Variants in ABCA3 observed in about 807,000 individuals in gnomAD.
ABCA3 encodes the protein phospholipid-transporting ATPase ABCA3.
Under a neutral mutation model 172.8 loss-of-function variants are expected in ABCA3, and 88 were observed. The observed-to-expected ratio is 0.51, with a 90% CI of 0.43 to 0.61. ABCA3 has a LOEUF of 0.61. Ranked by LOEUF, ABCA3 falls within the 20% of genes least tolerant of loss-of-function variation. ABCA3 has a pLI of 0.00. For synonymous variants in ABCA3, 1,066 were observed against 983.8 expected, an observed-to-expected ratio of 1.08 and a Z score of -1.56; for missense variants, 2,164 against 2,301.0, an observed-to-expected ratio of 0.94 and a Z score of 1.22.
intron 14 of ABCA3, 25 bp downstream of exon 14, chr16:2,299,377 AG>A (rs2093685278): frequency 9.9e-6 from 16 of 1,612,494 alleles, no homozygotes; most frequent in Admixed American, 1.7e-5. Context: ...TGCTGGTGGC[AG>A]GGGCGTGAGG....
In ABCA3 at chr16:2,284,000, A is replaced by G. The variant is rs2093658942; in HGVS notation, c.3862+279T>C. ...AGCAGGAAGGGTCCTCCCCTGAGCC[A>G]TGGGGGATTCACTCCTCGTGCTAAG... On this transcript the variant is annotated intron_variant, in intron 25 of 32. Transcript: ENST00000301732. The surrounding 1 kb of genome is among the most constrained non-coding windows in gnomAD (Gnocchi z 5.4). The G allele has an allele frequency of 5.0e-6, 2 of 402,058 alleles. No homozygotes were observed. Among genetic ancestry groups the G allele is most frequent in the Non-Finnish European group, 9.3e-6 (2 of 215,988 alleles). 24.9% of individuals were successfully genotyped at this position (402,058 alleles called of 1,614,324 possible).
chr16:2,319,551 G>C (rs993721058), intron 8 of ABCA3, 30 bp downstream of exon 8: 3 of 1,605,952 alleles, frequency 1.9e-6, no homozygotes, highest in Non-Finnish European at 2.5e-6. Flanking sequence ...GCGGTTTCTA[G>C]AGTGTTGGGG....
chr16:2,288,431 G>A lies in ABCA3; in HGVS notation c.2701-102C>T, dbSNP rs923661325. 5.9e-6 allele frequency: 8 copies of A among 1,365,074 alleles called. No homozygotes were observed. In the South Asian group the frequency reaches 8.3e-5, roughly 14 times the overall value. The allele number at this position is 1,365,074 out of a possible 1,614,324, so 84.6% of individuals were successfully genotyped here. On this transcript the variant is annotated intron_variant, in intron 20 of 32. Transcript: ENST00000301732. ...GCTGTTCTGTGTGACGCCAGCCTGG[G>A]GGCCTGCAGCTGAGGTTGCACCGGA...
chr16:2,304,917 C>T (rs1162476713), intron 11 of ABCA3, among the ~76,000 whole-genome samples: 3 of 152,018 alleles, frequency 2.0e-5, no homozygotes, highest in East Asian at 1.9e-4. Flanking sequence ...CCTTGTGATT[C>T]GCCTGCCTCG....
chr16:2,337,841 C>T (rs2093754317), intron 1 of ABCA3, among the ~76,000 whole-genome samples: 1 of 152,238 alleles, frequency 6.6e-6, no homozygotes, highest in South Asian at 2.1e-4. Context: ...CGCTCATACT[C>T]AGCACCACAG....
chr16:2,313,782 C>G (rs2093710426), intron 10 of ABCA3, among the ~76,000 whole-genome samples: 1 of 150,420 alleles, frequency 6.6e-6, no homozygotes, highest in Non-Finnish European at 1.5e-5. Context: ...GTAATCCCAG[C>G]TACTTGGGAG....
intron 1 of ABCA3, among the ~76,000 whole-genome samples, chr16:2,340,210 A>G (rs2093758456): frequency 6.6e-6 from 1 of 152,088 alleles, no homozygotes. Context: ...GTCGCTACAT[A>G]TCCACCTTCT....
chr16:2,313,770 C>T (rs1050649408), intron 10 of ABCA3, among the ~76,000 whole-genome samples: 1 of 151,440 alleles, frequency 6.6e-6, no homozygotes, highest in African/African-American at 2.4e-5. Flanking sequence ...TGGCGGGCGC[C>T]TGTAATCCCA....
intron 11 of ABCA3, among the ~76,000 whole-genome samples, chr16:2,307,620 TA>T (rs1353332058): frequency 2.0e-5 from 3 of 152,164 alleles, no homozygotes; most frequent in African/African-American, 7.2e-5. Context: ...AATTTTATTT[TA>T]TTTTTTTGAG....
chr16:2,298,819 G>T (rs11647731), intron 14 of ABCA3, among the ~76,000 whole-genome samples: 4 of 152,154 alleles, frequency 2.6e-5, no homozygotes, highest in Admixed American at 1.3e-4. Flanking sequence ...CCCCCGCCCC[G>T]GGTCCCAGCC....
intron 9 of ABCA3, 57 bp from the exon 10 acceptor site, chr16:2,317,460 ACTCCTGACCATCCCTGGT>A: frequency 6.2e-7 from 1 of 1,608,590 alleles, no homozygotes; most frequent in Non-Finnish European, 8.5e-7. Context: ...GACCAGGAGG[ACTCCTGACCATCCCTGGT>A]CACAGGGACG....
chr16:2,330,952 G>A lies in ABCA3; in HGVS notation c.-538-1098C>T, dbSNP rs899902554. Reference sequence around the variant, plus strand: ...TCCTGACCTGGAACATCACCCTTTTGCAGACGAAGAAACAAGGAGGAAATG... The same window carrying A: ...TCCTGACCTGGAACATCACCCTTTTACAGACGAAGAAACAAGGAGGAAATG... On this transcript the variant is annotated intron_variant, in intron 1 of 32. Transcript: ENST00000301732. Among the ~76,000 whole-genome samples, 12 of 152,032 alleles carry A rather than the reference G, an allele frequency of 7.9e-5. No individual in the cohort carries two copies. In the South Asian group the frequency reaches 2.5e-3, roughly 32 times the overall value.
At chr16:2,330,341 C>T (rs1382200564) in intron 1 of ABCA3, among the ~76,000 whole-genome samples, 1 of 120,020 alleles carries the variant, frequency 8.3e-6, no homozygotes, top group African/African-American at 3.2e-5. Flanking sequence ...TTTTTTGAGA[C>T]AGAGTTTCAC....
Position 2,281,279 on chromosome 16 carries a change from T to A in ABCA3, c.4165-58A>T. 1 of 1,613,074 alleles carries A rather than the reference T, an allele frequency of 6.2e-7. No homozygotes were observed. Among genetic ancestry groups the A allele is most frequent in the Non-Finnish European group, 8.5e-7 (1 of 1,179,832 alleles). On this transcript the variant is annotated intron_variant, in intron 27 of 32. Coordinates refer to ENST00000301732, the MANE Select transcript of ABCA3 (RefSeq NM_001089.3). This position sits in a 1 kb window ranked among gnomAD's most constrained non-coding sequence, Gnocchi z 4.7. Reference sequence around the variant, plus strand: ...GAGGCCTGGACGCAAAGCAGAGCAGTCTGAGCCTCAGCGCCGAAAGCTTCC... The same window carrying A: ...GAGGCCTGGACGCAAAGCAGAGCAGACTGAGCCTCAGCGCCGAAAGCTTCC...
At chr16:2,300,221 G>T in intron 12 of ABCA3, 73 bp from the exon 13 acceptor site, 1 of 1,595,962 alleles carries the variant, frequency 6.3e-7, no homozygotes, top group South Asian at 1.1e-5. Flanking sequence ...AGACACACTA[G>T]ATGCACACAG....
chr16:2,314,949 C>A (rs1275469801), intron 10 of ABCA3, among the ~76,000 whole-genome samples: 1 of 147,898 alleles, frequency 6.8e-6, no homozygotes, highest in African/African-American at 2.5e-5. Context: ...ACAACCTCGG[C>A]TCACTGCAAC....
At position 2,317,740 on chromosome 16, in the gene ABCA3, T is replaced by C; in HGVS notation, c.898A>G (p.Ser300Gly). The C allele has an allele frequency of 6.2e-7, 1 of 1,614,236 alleles. No individual in the cohort carries two copies. Residue 300 changes from serine to glycine, a missense_variant, in exon 9 of 33, where the codon AGC becomes GGC. Physicochemically the swap from Ser to Gly is moderately conservative, Grantham distance 56 (BLOSUM62 0). Transcript: ENST00000301732. Reference sequence around the variant, plus strand: ...CAGGCACTCCAGTGCAGCCAGCTGCTGAGCCCCATCATGCGCATGTACTCC... The same window carrying C: ...CAGGCACTCCAGTGCAGCCAGCTGCCGAGCCCCATCATGCGCATGTACTCC... ...LKEYMRMMGLSSWLHWSAWFL... is the reference protein window; with the variant it reads ...LKEYMRMMGLGSWLHWSAWFL...
Position 2,317,425 on chromosome 16 carries a change from C to A in ABCA3, c.991-22G>T, listed in dbSNP as rs777554855. 6 of 1,612,822 alleles carry A rather than the reference C, an allele frequency of 3.7e-6. No individual in the cohort carries two copies. The East Asian group carries it at 1.1e-4, about 30-fold the overall frequency. ...TCACCTGCAGGGCACAGGCATGAGT[C>A]GGGCGTGGTGGGCCGGCAGAGGTGG... On this transcript the variant is annotated intron_variant, in intron 9 of 32. Transcript: ENST00000301732.
chr16:2,300,258 G>C (rs1758395483), intron 12 of ABCA3, 110 bp from the exon 13 acceptor site: 1 of 1,487,104 alleles, frequency 6.7e-7, no homozygotes. Flanking sequence ...CCAGGACTTC[G>C]AGGCACTGCT....
Sources: gnomAD v4.1 joint callset for allele counts (sites outside exome capture counted in the v4.1 genomes callset) on GRCh38, gnomAD v4.1.1 for gene constraint, Gnocchi (gnomAD v3.1) non-coding constraint, MANE v1.5 for transcripts, NCBI Gene and HGNC (gene_info 2026-07-23, HGNC 2026-07-21) for gene names.